STRA6: variants seen among roughly 807,000 people sequenced by gnomAD.
STRA6 encodes the protein signaling receptor and transporter of retinol STRA6, also known as receptor for retinol uptake STRA6.
In STRA6, 48 loss-of-function variants were observed where a neutral mutation model predicts 83.6. The ratio of observed to expected loss-of-function variants is 0.57; its 90% CI spans 0.46 to 0.73. The LOEUF (loss-of-function observed/expected upper bound fraction) is 0.73. Ranked by LOEUF, STRA6 falls within the 30% of genes least tolerant of loss-of-function variation. The pLI is 0.00. For synonymous variants in STRA6, 353 were observed against 362.3 expected (o/e 0.97, Z 0.29); for missense variants, 760 against 838.8 (o/e 0.91, Z 1.16).
At chr15:74,181,813 G>C (rs1040735068) in intron 16 of STRA6, among the ~76,000 whole-genome samples, 4 of 152,176 alleles carry the variant, frequency 2.6e-5, no homozygotes, top group Non-Finnish European at 5.9e-5. Context: ...TGGGAGCCAA[G>C]GTTCTCCCAC....
chr15:74,194,190 C>A (rs564316628), intron 7 of STRA6, among the ~76,000 whole-genome samples: 56 of 152,264 alleles, frequency 3.7e-4, no homozygotes, highest in Admixed American at 1.1e-3. Flanking sequence ...TCACTTGATT[C>A]CCTCCTGCCC....
At chr15:74,203,259 A>C, upstream of STRA6, 1 of 970,430 alleles carries the variant, frequency 1.0e-6, no homozygotes, top group Non-Finnish European at 1.2e-6. Flanking sequence ...CACCCCCACA[A>C]GGCGGAAATT....
At chr15:74,194,744 T>TGA in intron 7 of STRA6, 1 of 1,246,204 alleles carries the variant, frequency 8.0e-7, no homozygotes. Context: ...AATGAATGGG[T>TGA]GAGTGAATGA....
intron 18 of STRA6, 140 bp from the exon 19 acceptor site, chr15:74,180,383 T>A (rs1343795321): frequency 9.4e-7 from 1 of 1,061,906 alleles, no homozygotes; most frequent in African/African-American, 1.6e-5. Context: ...AGGCAGCACA[T>A]GGAAGTGGGG....
In STRA6 at chr15:74,181,424, G is replaced by C; in HGVS notation, c.1555C>G (p.Pro519Ala). 6.2e-7 allele frequency: 1 copy of C among 1,613,628 alleles called. No homozygotes were observed. The change falls in exon 17 of 19, where the codon CCC becomes GCC. Residue 519 changes from proline (P) to alanine (A), a missense_variant. By Grantham distance (27) the Pro-to-Ala change is conservative (BLOSUM62 -1). Transcript: ENST00000395105. Reference sequence around the variant, plus strand: ...ATGGCACCCACCAGCACATTGAGGGGGAAGAGAAGAAAGGTGGCTGCATAG... The same window carrying C: ...ATGGCACCCACCAGCACATTGAGGGCGAAGAGAAGAAAGGTGGCTGCATAG... ...VLYAATFLLF[P>A]LNVLVGAMVA...
upstream of STRA6, among the ~76,000 whole-genome samples, chr15:74,207,142 G>A (rs530647320): frequency 5.3e-5 from 8 of 152,290 alleles, no homozygotes; most frequent in South Asian, 1.5e-3. Context: ...GCATCCAGGA[G>A]CAGAGGCCCA....
At chr15:74,185,246 C>T (rs748015546) in intron 12 of STRA6, among the ~76,000 whole-genome samples, 191 bp from the exon 13 acceptor site, 2 of 152,234 alleles carry the variant, frequency 1.3e-5, no homozygotes, top group Non-Finnish European at 2.9e-5. Context: ...CCACCCCATT[C>T]TTCCCAGTGA....
rs1253851992 is a variant in STRA6 at position 74,188,547 on chromosome 15, T to A, written c.1090+568A>T. Among the ~76,000 whole-genome samples, 2 of 152,166 alleles carry A rather than the reference T, an allele frequency of 1.3e-5. No individual in the cohort carries two copies. Among genetic ancestry groups the A allele is most frequent in the South Asian group, 4.1e-4 (2 of 4,830 alleles). ...CACTTCTCAGTCCCCTCCACAGCGC[T>A]GTTGGGAGCGCCCAGGAGGCAGAGT... On this transcript the variant is annotated intron_variant, in intron 12 of 18. Coordinates refer to ENST00000395105, the MANE Select transcript of STRA6 (RefSeq NM_022369.4). The surrounding 1 kb of genome is among the most constrained non-coding windows in gnomAD (Gnocchi z 4.5).
In STRA6 at chr15:74,195,333, C is replaced by T. The variant is rs761748297; in HGVS notation, c.566G>A (p.Trp189Ter). The change falls in exon 7 of 19, where the codon TGG becomes TAG. Residue 189 changes from tryptophan (W) to a stop codon, truncating the protein, a stop_gained. Coordinates refer to ENST00000395105, the MANE Select transcript of STRA6 (RefSeq NM_022369.4). LOFTEE classifies it high-confidence loss of function. ...LSWAHLGVQV[W>*]QRAECPQVPK... The stretch of plus-strand genomic sequence containing the variant: ...CACCTGGGGACACTCTGCCCTCTGC[C>T]AGACCTGGACCCCAAGGTGGGCCCA... 1.2e-6 allele frequency: 2 copies of T among 1,613,296 alleles called. No homozygotes were observed. Among genetic ancestry groups the T allele is most frequent in the Non-Finnish European group, 1.7e-6 (2 of 1,179,976 alleles).
intron 1 of STRA6, chr15:74,208,735 G>T (rs1383898138): frequency 2.6e-5 from 26 of 987,924 alleles, no homozygotes; most frequent in Middle Eastern, 5.2e-4. Context: ...CACCCCATGT[G>T]CCTTCTCGCT....
At chr15:74,198,569 G>A (rs1043817330) in intron 2 of STRA6, among the ~76,000 whole-genome samples, 10 of 152,136 alleles carry the variant, frequency 6.6e-5, no homozygotes, top group African/African-American at 1.7e-4. Flanking sequence ...CCTGTGATTC[G>A]CCCTCTACTC....
rs1473200070 is a variant in STRA6, at chr15:74,195,732, T to C, written c.407-57A>G. The C allele has an allele frequency of 7.1e-6, 7 of 982,944 alleles. No individual in the cohort carries two copies. The Admixed American group carries it at 8.2e-5, about 11-fold the overall frequency. 60.9% of individuals were successfully genotyped at this position (982,944 alleles called of 1,614,324 possible). On this transcript the variant is annotated intron_variant, in intron 5 of 18. Coordinates refer to ENST00000395105, the MANE Select transcript of STRA6 (RefSeq NM_022369.4). ...CAAGGGCAAAATGAGAAGGTGGATA[T>C]ATAATGCTTAGCATGGTGCCTGAGC...
Position 74,197,355 on chromosome 15 carries a change from G to T in STRA6, c.249C>A (p.Gly83=). The change falls in exon 4 of 19, where the codon GGC becomes GGA. Residue 83 remains glycine (G), a synonymous_variant. Coordinates refer to ENST00000395105, the MANE Select transcript of STRA6 (RefSeq NM_022369.4). ...RRQLWPDCVR[G]RPGLPSPVDF... is the part of the protein sequence containing the mutation. ...GTACAAACCTGGGCAGGCCGGGCCT[G>T]CCACGCACACAGTCAGGCCAGAGCT... 1 of 1,550,496 alleles carries T rather than the reference G, an allele frequency of 6.4e-7. No individual in the cohort carries two copies. Among genetic ancestry groups the T allele is most frequent in the Non-Finnish European group, 8.7e-7 (1 of 1,146,900 alleles).
chr15:74,208,730 C>T, intron 1 of STRA6: 1 of 988,146 alleles, frequency 1.0e-6, no homozygotes. Context: ...CCGCACACCC[C>T]ATGTGCCTTC....
intron 11 of STRA6, among the ~76,000 whole-genome samples, chr15:74,190,323 GT>G (rs1394901440): frequency 6.6e-6 from 1 of 152,174 alleles, no homozygotes; most frequent in Non-Finnish European, 1.5e-5. Flanking sequence ...ACTTGGCCAA[GT>G]CAAATTCACC....
Position 74,180,036 on chromosome 15 carries a change from C to T in STRA6, c.*44G>A, listed in dbSNP as rs756166188. On this transcript the variant is annotated 3_prime_UTR_variant, in exon 19 of 19. Transcript: ENST00000395105. ...GAGGGAGGAGGATGGTAGGCAGGAA[C>T]ATGCCTCAGCACAGATGGGCAGGTG... 2.5e-6 allele frequency: 4 copies of T among 1,595,074 alleles called. No individual in the cohort carries two copies. The East Asian group carries it at 9.0e-5, about 36-fold the overall frequency.
At chr15:74,209,157 ACAG>A (rs2074328702), upstream of STRA6, 1 of 1,284,690 alleles carries the variant, frequency 7.8e-7, no homozygotes, top group African/African-American at 1.5e-5. Flanking sequence ...CAGCTCAGGC[ACAG>A]AGCAGGGGCT....
intron 16 of STRA6, 79 bp downstream of exon 16, chr15:74,182,082 G>A (rs193213103): frequency 1.6e-6 from 2 of 1,223,428 alleles, no homozygotes; most frequent in East Asian, 4.7e-5. Flanking sequence ...GATGGCAGTG[G>A]AGGGAGGACA....
chr15:74,183,591 C>T (rs1421106467), intron 14 of STRA6: 3 of 1,326,662 alleles, frequency 2.3e-6, no homozygotes, highest in Non-Finnish European at 2.9e-6. Context: ...GGGTCCACCC[C>T]CATGTGAATA....
Sources: gnomAD v4.1 joint callset for allele counts (sites outside exome capture counted in the v4.1 genomes callset) on GRCh38, gnomAD v4.1.1 for gene constraint, Gnocchi (gnomAD v3.1) non-coding constraint, MANE v1.5 for transcripts, NCBI Gene and HGNC (gene_info 2026-07-23, HGNC 2026-07-21) for gene names.